The following TGFBRAP1 variants were observed in gnomAD, a reference collection of about 807,000 sequenced individuals.
TGFBRAP1 encodes the protein transforming growth factor-beta receptor-associated protein 1.
In TGFBRAP1, 20 loss-of-function variants were observed where a neutral mutation model predicts 83.2. The observed-to-expected ratio is 0.24, with a 90% CI of 0.17 to 0.35. The LOEUF (loss-of-function observed/expected upper bound fraction) is 0.35. Ranked by LOEUF, TGFBRAP1 falls within the 10% of genes least tolerant of loss-of-function variation. The pLI is 1.00. For synonymous variants in TGFBRAP1, 415 were observed against 459.8 expected (o/e 0.90, Z 1.25); for missense variants, 950 against 1,099.4 (o/e 0.86, Z 1.92).
In TGFBRAP1 at chr2:105,273,470, C is replaced by T. The variant is rs149112119; in HGVS notation, c.1812+74G>A. ...AGGGAACAGACATTACACAGAATCA[C>T]ATGCCAAAAAGTGTTCTAGTTCAAT... On this transcript the variant is annotated intron_variant, in intron 9 of 11. Transcript: ENST00000393359. The T allele has an allele frequency of 7.0e-5, 111 of 1,575,122 alleles. No homozygotes were observed. In the African/African-American group the frequency reaches 1.2e-3, roughly 17 times the overall value.
At chr2:105,255,591 G>T in the TGFBRAP1 span, among the ~76,000 whole-genome samples, 10 of 152,288 alleles carry the variant, frequency 6.6e-5, no homozygotes, top group African/African-American at 2.4e-4. Flanking sequence ...AAAGTGGTGA[G>T]ATTACAGATA....
chr2:105,323,578 G>A lies in TGFBRAP1; in HGVS notation c.-18+6047C>T, dbSNP rs114605588. On this transcript the variant is annotated intron_variant, in intron 1 of 11. Transcript: ENST00000393359. ...CATGCTGCATTCCTGACTGAATGAA[G>A]AGCCAAATCACAGCCTCAAAATTCT... 6.1e-3 allele frequency among the ~76,000 whole-genome samples: 925 copies of A among 152,258 alleles called. 14 individuals carry two copies. The highest frequency in any genetic ancestry group is 0.021 in the African/African-American group (882 of 41,570).
At chr2:105,270,223 T>C (rs983632540) in intron 10 of TGFBRAP1, among the ~76,000 whole-genome samples, 1 of 152,232 alleles carries the variant, frequency 6.6e-6, no homozygotes, top group Non-Finnish European at 1.5e-5. Flanking sequence ...TCAAAATCCA[T>C]CTCTACATTA....
the TGFBRAP1 span, among the ~76,000 whole-genome samples, chr2:105,254,192 A>C: frequency 6.6e-6 from 1 of 152,164 alleles, no homozygotes; most frequent in African/African-American, 2.4e-5. Flanking sequence ...TTCTGGTGCC[A>C]TAATAAAATC....
At chr2:105,268,421 G>C (rs975132285) in intron 11 of TGFBRAP1, among the ~76,000 whole-genome samples, 3 of 152,206 alleles carry the variant, frequency 2.0e-5, no homozygotes, top group Non-Finnish European at 4.4e-5. Flanking sequence ...AGAGGTATGA[G>C]ATGGCTTCAC....
intron 4 of TGFBRAP1, among the ~76,000 whole-genome samples, chr2:105,290,616 AGTGTGTGTGTGTGTGTGT>A (rs3060065): frequency 1.2e-4 from 17 of 140,094 alleles, no homozygotes; most frequent in East Asian, 6.2e-4. Context: ...ACAGAGAGAC[AGTGTGTGTGTGTGTGTGT>A]GTGTGTGTGT....
At chr2:105,325,894 T>G (rs1679213218) in intron 1 of TGFBRAP1, among the ~76,000 whole-genome samples, 1 of 152,094 alleles carries the variant, frequency 6.6e-6, no homozygotes, top group South Asian at 2.1e-4. Flanking sequence ...AAAAGTCAAC[T>G]TTTCCCCCCT....
At chr2:105,277,746 C>G (rs534932406) in intron 6 of TGFBRAP1, 75 bp from the exon 7 acceptor site, 6 of 1,310,894 alleles carry the variant, frequency 4.6e-6, no homozygotes, top group Non-Finnish European at 6.6e-6. Flanking sequence ...AGTGACACCC[C>G]CAGTCCAAGC....
chr2:105,280,628 T>C lies in TGFBRAP1; in HGVS notation c.1217A>G (p.Glu406Gly), dbSNP rs765200133. The part of the protein sequence containing the change: ...SFTRSHPPLH[E>G]YADLNQLTQG... Reference sequence around the variant, plus strand: ...GGTCAGCTGGTTCAGGTCTGCGTACTCATGAAGAGGAGGGTGGGACCGGGT... The same window carrying C: ...GGTCAGCTGGTTCAGGTCTGCGTACCCATGAAGAGGAGGGTGGGACCGGGT... The change falls in exon 6 of 12, where the codon GAG becomes GGG. Residue 406 changes from glutamate (E) to glycine (G), a missense_variant. By Grantham distance (98) the Glu-to-Gly change is moderately conservative. Coordinates refer to ENST00000393359, the MANE Select transcript of TGFBRAP1 (RefSeq NM_004257.6). 2 of 1,614,022 alleles carry C rather than the reference T, an allele frequency of 1.2e-6. No homozygotes were observed. Among genetic ancestry groups the C allele is most frequent in the African/African-American group, 2.7e-5 (2 of 74,980 alleles).
chr2:105,308,060 T>C lies in TGFBRAP1; in HGVS notation c.242A>G (p.Glu81Gly), dbSNP rs1487323424. Residue 81 changes from glutamate to glycine, a missense_variant, in exon 2 of 12, where the codon GAG becomes GGG. Coordinates refer to ENST00000393359, the MANE Select transcript of TGFBRAP1 (RefSeq NM_004257.6). Reference protein sequence around the residue: ...RHLGFKKPVNELRAASALNRL... With the variant: ...RHLGFKKPVNGLRAASALNRL... ...GTTGAGTGCTGAGGCCGCACGCAGC[T>C]CGTTCACGGGCTTCTTGAAGCCCAA... 4 of 1,613,696 alleles carry C rather than the reference T, an allele frequency of 2.5e-6. No homozygotes were observed. Among genetic ancestry groups the C allele is most frequent in the Admixed American group, 1.7e-5 (1 of 59,942 alleles).
intron 5 of TGFBRAP1, 85 bp downstream of exon 5, chr2:105,284,231 C>T: frequency 2.3e-6 from 3 of 1,292,918 alleles, no homozygotes; most frequent in Non-Finnish European, 3.4e-6. Flanking sequence ...GCAACACATC[C>T]CACCGCGACG....
intron 1 of TGFBRAP1, among the ~76,000 whole-genome samples, chr2:105,323,697 A>G (rs1373689662): frequency 1.3e-5 from 2 of 152,146 alleles, no homozygotes; most frequent in East Asian, 3.9e-4. Context: ...GTGAAATGAG[A>G]TGTCAACAAA....
At chr2:105,328,454 T>C (rs899779167) in intron 1 of TGFBRAP1, among the ~76,000 whole-genome samples, 1 of 152,232 alleles carries the variant, frequency 6.6e-6, no homozygotes, top group African/African-American at 2.4e-5. Context: ...ATGTTCCTTC[T>C]GACTGACCAT....
chr2:105,255,660 C>A, the TGFBRAP1 span, among the ~76,000 whole-genome samples: 5 of 152,186 alleles, frequency 3.3e-5, no homozygotes, highest in Admixed American at 2.6e-4. Context: ...AGGGCTTACA[C>A]CCCAACCACC....
Position 105,269,730 on chromosome 2 carries a change from G to C in TGFBRAP1, c.1973-25C>G. ...TCTGCAAGACAGAACCTGCAGCTCAGAAAGAAAGGGGCTCGCCGGCCACCC... is the reference window on the plus strand; with the variant it reads ...TCTGCAAGACAGAACCTGCAGCTCACAAAGAAAGGGGCTCGCCGGCCACCC... On this transcript the variant is annotated intron_variant, in intron 10 of 11. Transcript: ENST00000393359. The surrounding 1 kb of genome is among the most constrained non-coding windows in gnomAD (Gnocchi z 4.1). 6.7e-7 allele frequency: 1 copy of C among 1,486,568 alleles called. No individual in the cohort carries two copies. Among genetic ancestry groups the C allele is most frequent in the Admixed American group, 2.3e-5 (1 of 44,050 alleles). The allele number at this position is 1,486,568 out of a possible 1,614,324, so 92.1% of individuals were successfully genotyped here. A position where few individuals can be genotyped will look rare whatever the true frequency, so the allele number is the denominator to read the frequency against.
At chr2:105,279,625 G>T (rs1677463098) in intron 6 of TGFBRAP1, among the ~76,000 whole-genome samples, 1 of 122,856 alleles carries the variant, frequency 8.1e-6, no homozygotes, top group Non-Finnish European at 2.0e-5. Context: ...CTTTGAATCT[G>T]TTTATCTAGC....
At chr2:105,313,352 C>T (rs1389720793) in intron 1 of TGFBRAP1, among the ~76,000 whole-genome samples, 1 of 152,164 alleles carries the variant, frequency 6.6e-6, no homozygotes, top group Non-Finnish European at 1.5e-5. Context: ...AGGCCAAGGC[C>T]AGGAGAGCTG....
chr2:105,260,509 T>G (rs534438247), downstream of TGFBRAP1, among the ~76,000 whole-genome samples: 2 of 152,340 alleles, frequency 1.3e-5, no homozygotes, highest in South Asian at 4.1e-4. Flanking sequence ...ACACACACTG[T>G]GTGATTCCAC....
At chr2:105,310,634 T>C (rs1186746024) in intron 1 of TGFBRAP1, among the ~76,000 whole-genome samples, 1 of 152,122 alleles carries the variant, frequency 6.6e-6, no homozygotes, top group African/African-American at 2.4e-5. Context: ...TGCAGAACTC[T>C]TGCAGGCTTC....
Sources: gnomAD v4.1 joint callset for allele counts (sites outside exome capture counted in the v4.1 genomes callset) on GRCh38, gnomAD v4.1.1 for gene constraint, Gnocchi (gnomAD v3.1) non-coding constraint, MANE v1.5 for transcripts, NCBI Gene and HGNC (gene_info 2026-07-23, HGNC 2026-07-21) for gene names.